The following LARGE1 variants were observed in gnomAD, a reference collection of about 807,000 sequenced individuals.
The protein encoded by LARGE1 is LARGE xylosyl- and glucuronyltransferase 1.
LARGE1 carries 43 observed loss-of-function variants against 87.6 expected under a neutral mutation model. The ratio of observed to expected loss-of-function variants is 0.49; its 90% CI spans 0.38 to 0.63. The LOEUF (loss-of-function observed/expected upper bound fraction) is 0.63, where lower values mean the gene tolerates loss of function less well. Among genes scored for constraint, LARGE1 ranks in the 30% least tolerant of loss-of-function variants. The pLI is 0.00. For synonymous variants in LARGE1, 434 were observed against 394.6 expected (o/e 1.10, Z -1.18); for missense variants, 802 against 1,000.2 (o/e 0.80, Z 2.67).
chr22:33,545,631 G>A (rs1429355769), intron 6 of LARGE1, among the ~76,000 whole-genome samples: 1 of 152,164 alleles, frequency 6.6e-6, no homozygotes, highest in African/African-American at 2.4e-5. Flanking sequence ...CAGATATGGG[G>A]TTTTGCCATG....
chr22:33,128,375 G>C, the LARGE1 span, among the ~76,000 whole-genome samples: 1 of 152,182 alleles, frequency 6.6e-6, no homozygotes, highest in East Asian at 1.9e-4. Context: ...TGATAGACTG[G>C]ATAAAGAAAA....
intron 1 of LARGE1, among the ~76,000 whole-genome samples, chr22:33,832,847 T>C (rs1206998260): frequency 6.6e-6 from 1 of 152,246 alleles, no homozygotes; most frequent in South Asian, 2.1e-4. Flanking sequence ...ATGTCCAGTA[T>C]ACAGTAAGCA....
intron 5 of LARGE1, 119 bp from the exon 6 acceptor site, chr22:33,565,138 TTGAATAAA>T (rs2077985207): frequency 1.1e-6 from 1 of 924,218 alleles, no homozygotes; most frequent in Non-Finnish European, 1.7e-6. Flanking sequence ...TAAAAATTTG[TTGAATAAA>T]TGAATGAGTT....
intron 7 of LARGE1, among the ~76,000 whole-genome samples, chr22:33,407,677 T>C (rs2066150059): frequency 2.1e-5 from 1 of 46,840 alleles, no homozygotes; most frequent in African/African-American, 1.0e-4. Context: ...AGCTAACTGG[T>C]GCAGGCAAGA....
At chr22:33,868,488 T>C (rs996724655) in intron 1 of LARGE1, among the ~76,000 whole-genome samples, 1 of 152,052 alleles carries the variant, frequency 6.6e-6, no homozygotes, top group African/African-American at 2.4e-5. Context: ...TGAGGTTAGG[T>C]GATGCTCCCC....
At chr22:33,437,044 C>G (rs1307069974) in intron 6 of LARGE1, among the ~76,000 whole-genome samples, 1 of 152,062 alleles carries the variant, frequency 6.6e-6, no homozygotes, top group Non-Finnish European at 1.5e-5. Flanking sequence ...TATTAATTCC[C>G]TCACTCCACA....
chr22:33,484,064 G>T (rs1351291539), intron 6 of LARGE1, among the ~76,000 whole-genome samples: 1 of 152,146 alleles, frequency 6.6e-6, no homozygotes, highest in Non-Finnish European at 1.5e-5. Flanking sequence ...TATCTACCCG[G>T]GCTGTACACG....
At chr22:33,604,817 C>T (rs981651760) in intron 4 of LARGE1, among the ~76,000 whole-genome samples, 2 of 152,142 alleles carry the variant, frequency 1.3e-5, no homozygotes, top group South Asian at 4.1e-4. Context: ...CCAATTCAGG[C>T]CAAACGCCAT....
chr22:33,406,225 C>T (rs145713950), intron 7 of LARGE1, among the ~76,000 whole-genome samples: 2 of 152,122 alleles, frequency 1.3e-5, no homozygotes, highest in African/African-American at 2.4e-5. Context: ...CTCTTCCCGC[C>T]GTGTATACCC....
At chr22:33,257,991 G>C (rs1927406039) in intron 11 of LARGE1, among the ~76,000 whole-genome samples, 1 of 151,434 alleles carries the variant, frequency 6.6e-6, no homozygotes, top group African/African-American at 2.4e-5. Context: ...GAGAGCATAG[G>C]TTGGGGGGAT....
chr22:33,811,548 GA>G (rs527777751), intron 1 of LARGE1, among the ~76,000 whole-genome samples: 4 of 152,130 alleles, frequency 2.6e-5, no homozygotes, highest in African/African-American at 9.6e-5. Context: ...GCTTTCCAAG[GA>G]AAAAAAGATT....
chr22:33,571,243 G>A (rs1197047342), intron 5 of LARGE1, among the ~76,000 whole-genome samples: 2 of 152,170 alleles, frequency 1.3e-5, no homozygotes, highest in Non-Finnish European at 2.9e-5. Context: ...TGTAAACTGG[G>A]GGGTTGGGGA....
At chr22:33,827,866 A>C (rs1433578059) in intron 1 of LARGE1, among the ~76,000 whole-genome samples, 2 of 152,150 alleles carry the variant, frequency 1.3e-5, no homozygotes, top group African/African-American at 4.8e-5. Context: ...GATTATAGAG[A>C]TCGAGGGTGG....
intron 5 of LARGE1, among the ~76,000 whole-genome samples, chr22:33,572,939 G>T (rs541986620): frequency 6.6e-6 from 1 of 152,028 alleles, no homozygotes; most frequent in Non-Finnish European, 1.5e-5. Context: ...TGACTGACTG[G>T]GTTTGAATAC....
rs1053674934 is a variant in LARGE1 at position 33,248,283 on chromosome 22, G to T, written c.1730+55946C>A. On this transcript the variant is annotated intron_variant, in intron 11 of 11. Coordinates refer to the LARGE1 transcript ENST00000608642. The stretch of plus-strand genomic sequence containing the variant: ...GCTCACTGCAACCTCTGCCTCCCAG[G>T]TTCAAGCAATTTTCCTGCCTCAGCC... 2.0e-5 allele frequency among the ~76,000 whole-genome samples: 3 copies of T among 152,082 alleles called. 1 individual carries two copies. Among genetic ancestry groups the T allele is most frequent in the Admixed American group, 2.0e-4 (3 of 15,266 alleles).
At chr22:33,600,738 T>C (rs1356970637) in intron 5 of LARGE1, among the ~76,000 whole-genome samples, 4 of 152,118 alleles carry the variant, frequency 2.6e-5, no homozygotes, top group African/African-American at 7.2e-5. Flanking sequence ...CGCAGAGAGA[T>C]GTGACTCGGT....
chr22:33,186,475 G>A (rs1472875914), intron 11 of LARGE1, among the ~76,000 whole-genome samples: 1 of 152,008 alleles, frequency 6.6e-6, no homozygotes, highest in African/African-American at 2.4e-5. Context: ...CAGCGAAATA[G>A]GACTAGAAAG....
the LARGE1 span, among the ~76,000 whole-genome samples, chr22:33,090,027 G>A: frequency 6.6e-6 from 1 of 151,908 alleles, no homozygotes; most frequent in Non-Finnish European, 1.5e-5. Flanking sequence ...AGATGGTGGT[G>A]AAACCCCATC....
Position 33,273,437 on chromosome 22 carries a change from C to A in LARGE1, c.*990G>T, listed in dbSNP as rs1480097650. 1 of 398,488 alleles carries A rather than the reference C, an allele frequency of 2.5e-6. No homozygotes were observed. The highest frequency in any genetic ancestry group is 3.6e-5 in the East Asian group (1 of 28,088). 24.7% of individuals were successfully genotyped at this position (398,488 alleles called of 1,614,324 possible). On this transcript the variant is annotated 3_prime_UTR_variant, in exon 15 of 15. Coordinates refer to ENST00000397394, the MANE Select transcript of LARGE1 (RefSeq NM_133642.5). ...TGGGCTTTCATGAATTATGAAAGTT[C>A]TTCGAAAGGCCTGAGAGGTTCGTAC...
Sources: gnomAD v4.1 joint callset for allele counts (sites outside exome capture counted in the v4.1 genomes callset) on GRCh38, gnomAD v4.1.1 for gene constraint, MANE v1.5 for transcripts, NCBI Gene and HGNC (gene_info 2026-07-23, HGNC 2026-07-21) for gene names.